SBNO1: variants seen among roughly 807,000 people sequenced by gnomAD.
The protein encoded by SBNO1 is protein strawberry notch homolog 1.
SBNO1 carries 23 observed loss-of-function variants against 173.6 expected under a neutral mutation model. The observed-to-expected ratio is 0.13, with a 90% CI of 0.10 to 0.19. The LOEUF (loss-of-function observed/expected upper bound fraction) is 0.19. Ranked by LOEUF, SBNO1 falls within the 10% of genes least tolerant of loss-of-function variation. The probability of loss-of-function intolerance (pLI) is 1.00; values close to 1 mark genes in which losing one functional copy is unlikely to be tolerated. For missense variants in SBNO1, 1,238 were observed against 1,671.2 expected (o/e 0.74, Z 4.52); for synonymous variants, 632 against 571.5 (o/e 1.11, Z -1.51).
In SBNO1 at chr12:123,328,822, G is replaced by T; in HGVS notation, c.1208C>A (p.Ser403Ter). 6.2e-7 allele frequency: 1 copy of T among 1,609,214 alleles called. No homozygotes were observed. The highest frequency in any genetic ancestry group is 8.5e-7 in the Non-Finnish European group (1 of 1,176,722). ...GCCAGACTGGCTTTCACCAATAAGTGAAGAGTAAGTAGCAAAAATAACACC... is the reference window on the plus strand; with the variant it reads ...GCCAGACTGGCTTTCACCAATAAGTTAAGAGTAAGTAGCAAAAATAACACC... Reference protein sequence around the residue: ...KKGVIFATYSSLIGESQSGGK... With the variant: ...KKGVIFATYS Residue 403 changes from serine to a stop codon, truncating the protein, a stop_gained, in exon 10 of 32, where the codon TCA (serine) becomes TAA (stop). Coordinates refer to ENST00000602398, the MANE Select transcript of SBNO1 (RefSeq NM_001167856.3). LOFTEE classifies it high-confidence loss of function.
chr12:123,336,368 A>C, intron 6 of SBNO1, 27 bp downstream of exon 6: 1 of 1,346,106 alleles, frequency 7.4e-7, no homozygotes. Flanking sequence ...CTTTGATGTA[A>C]ATATCTGACA....
Position 123,292,243 on chromosome 12 carries a change from C to T in SBNO1, c.*3665G>A, listed in dbSNP as rs984150790. Reference sequence around the variant, plus strand: ...AATCAAACGTTCATTAATAGGATCCCAGCCTAACAGCAACGCTTATGTAGC... The same window carrying T: ...AATCAAACGTTCATTAATAGGATCCTAGCCTAACAGCAACGCTTATGTAGC... On this transcript the variant is annotated 3_prime_UTR_variant, in exon 32 of 32. Transcript: ENST00000602398. 3.3e-5 allele frequency: 5 copies of T among 152,146 alleles called. No individual in the cohort carries two copies. Among genetic ancestry groups the T allele is most frequent in the African/African-American group, 1.2e-4 (5 of 41,418 alleles). 9.4% of individuals were successfully genotyped at this position (152,146 alleles called of 1,614,324 possible).
At chr12:123,325,639 G>A (rs2138984907) in intron 14 of SBNO1, 40 bp from the exon 15 acceptor site, 2 of 1,276,742 alleles carry the variant, frequency 1.6e-6, no homozygotes, top group East Asian at 2.3e-5. Context: ...GAATAATAAT[G>A]TTTGTGGCTT....
At chr12:123,297,415 A>AAAAAAAAAAAAAAAAAAAAAAAAAAC (rs2048643869) in intron 31 of SBNO1, among the ~76,000 whole-genome samples, 1 of 144,512 alleles carries the variant, frequency 6.9e-6, no homozygotes, top group Non-Finnish European at 1.5e-5. Flanking sequence ...AAAAAAAAAA[A>AAAAAAAAAAAAAAAAAAAAAAAAAAC]AAAAAAATTC....
rs1423366535 is a variant in SBNO1, at chr12:123,289,326, AT to A, written c.*6581del. 1.3e-5 allele frequency: 2 copies of A among 152,380 alleles called. No individual in the cohort carries two copies. Among genetic ancestry groups the A allele is most frequent in the Non-Finnish European group, 2.9e-5 (2 of 68,042 alleles). The allele number at this position is 152,380 out of a possible 1,614,324, so 9.4% of individuals were successfully genotyped here. A position where few individuals can be genotyped will look rare whatever the true frequency, so the allele number is the denominator to read the frequency against. ...ATATCAAAAATGATTGGGATAATCA[AT>A]TCCGGACGCTTGGTACCGTGCTCCC... On this transcript the variant is annotated 3_prime_UTR_variant, in exon 32 of 32. Coordinates refer to ENST00000602398, the MANE Select transcript of SBNO1 (RefSeq NM_001167856.3).
chr12:123,315,517 T>G, intron 22 of SBNO1, 31 bp downstream of exon 22: 1 of 1,582,132 alleles, frequency 6.3e-7, no homozygotes, highest in Non-Finnish European at 8.7e-7. Flanking sequence ...AGATCATCAT[T>G]TACACACAGC....
chr12:123,331,197 C>T (rs1206759137), intron 8 of SBNO1, 45 bp downstream of exon 8: 2 of 1,598,382 alleles, frequency 1.3e-6, no homozygotes, highest in Non-Finnish European at 1.7e-6. Context: ...CTCCTAACCT[C>T]GTGATCCGCT....
intron 17 of SBNO1, 93 bp from the exon 18 acceptor site, chr12:123,320,959 G>C (rs1423639994): frequency 9.1e-7 from 1 of 1,100,086 alleles, no homozygotes; most frequent in African/African-American, 1.6e-5. Context: ...ATTTTTTTGA[G>C]ACAATGTTTC....
intron 9 of SBNO1, among the ~76,000 whole-genome samples, chr12:123,329,571 CCTTT>C (rs547423824): frequency 4.6e-4 from 70 of 151,898 alleles, no homozygotes; most frequent in African/African-American, 1.5e-3. Flanking sequence ...TGTTAATGTG[CCTTT>C]CTAATACTAC....
intron 1 of SBNO1, 112 bp from the exon 2 acceptor site, chr12:123,350,553 T>G: frequency 5.9e-6 from 5 of 844,444 alleles, no homozygotes; most frequent in Non-Finnish European, 9.6e-6. Context: ...CATTCAGTAT[T>G]AATGAAGAAC....
Position 123,298,020 on chromosome 12 carries a change from G to C in SBNO1, c.3997C>G (p.Gln1333Glu). ...ASVSGTNVKMQIVRLRTEDGQ... is the reference protein window; with the variant it reads ...ASVSGTNVKMEIVRLRTEDGQ... ...TCTTCCGTTCTTAGCCGCACGATCTGCATCTTCACGTTTGTGCCACTGACA... is the reference window on the plus strand; with the variant it reads ...TCTTCCGTTCTTAGCCGCACGATCTCCATCTTCACGTTTGTGCCACTGACA... The change falls in exon 31 of 32, where the codon CAG becomes GAG. Residue 1333 changes from glutamine (Q) to glutamate (E), a missense_variant. Gln to Glu is a conservative substitution (Grantham distance 29). Coordinates refer to ENST00000602398, the MANE Select transcript of SBNO1 (RefSeq NM_001167856.3). 1 of 1,614,056 alleles carries C rather than the reference G, an allele frequency of 6.2e-7. No homozygotes were observed. The highest frequency in any genetic ancestry group is 8.5e-7 in the Non-Finnish European group (1 of 1,179,986).
rs182435342 is a variant in SBNO1 at position 123,294,832 on chromosome 12, G to A, written c.*1076C>T. 1.3e-5 allele frequency: 2 copies of A among 152,284 alleles called. No homozygotes were observed. The highest frequency in any genetic ancestry group is 3.8e-4 in the East Asian group (2 of 5,210). 9.4% of individuals were successfully genotyped at this position (152,284 alleles called of 1,614,324 possible). ...TTTAACAGCTTGAGATAAACTCTAC[G>A]TCTTACAACACATTAAACAATATTC... is the stretch of plus-strand genomic sequence containing the variant. On this transcript the variant is annotated 3_prime_UTR_variant, in exon 32 of 32. Coordinates refer to ENST00000602398, the MANE Select transcript of SBNO1 (RefSeq NM_001167856.3).
At chr12:123,323,492 C>A (rs1870247106) in intron 16 of SBNO1, among the ~76,000 whole-genome samples, 188 bp downstream of exon 16, 1 of 151,904 alleles carries the variant, frequency 6.6e-6, no homozygotes, top group Non-Finnish European at 1.5e-5. Context: ...GTAGCTGGGA[C>A]TATAGGTGCC....
intron 28 of SBNO1, among the ~76,000 whole-genome samples, chr12:123,307,020 T>TAAAAAAAAAAAAAAAAAAAAAAAA (rs34105162): frequency 4.7e-5 from 3 of 64,432 alleles, no homozygotes; most frequent in Admixed American, 2.6e-4. Flanking sequence ...TCAACTGCAT[T>TAAAAAAAAAAAAAAAAAAAAAAAA]AAAAAAAAAA....
chr12:123,362,533 AG>A (rs1243351045), intron 1 of SBNO1, among the ~76,000 whole-genome samples: 2 of 149,138 alleles, frequency 1.3e-5, no homozygotes, highest in African/African-American at 2.5e-5. Flanking sequence ...CGGGAGACAG[AG>A]GTGAGTGGAT....
chr12:123,363,495 T>G (rs968541215), intron 1 of SBNO1, among the ~76,000 whole-genome samples: 6 of 152,178 alleles, frequency 3.9e-5, no homozygotes, highest in African/African-American at 1.4e-4. Flanking sequence ...ATTCCATCCC[T>G]AATTCTGGCT....
At chr12:123,340,797 C>A (rs1024377810) in intron 5 of SBNO1, among the ~76,000 whole-genome samples, 191 bp downstream of exon 5, 4 of 152,042 alleles carry the variant, frequency 2.6e-5, no homozygotes, top group African/African-American at 9.7e-5. Flanking sequence ...CATCAATCTG[C>A]AAGTTTTAAC....
chr12:123,335,256 C>T (rs1871700441), intron 6 of SBNO1, among the ~76,000 whole-genome samples: 2 of 152,200 alleles, frequency 1.3e-5, no homozygotes, highest in East Asian at 1.9e-4. Flanking sequence ...CTGGCCAACA[C>T]GGTGAAACCC....
chr12:123,312,369 C>G (rs1868688442), intron 24 of SBNO1, among the ~76,000 whole-genome samples: 2 of 152,136 alleles, frequency 1.3e-5, no homozygotes, highest in African/African-American at 4.8e-5. Context: ...GAACTGTTAA[C>G]AACACATATC....
Sources: gnomAD v4.1 joint callset for allele counts (sites outside exome capture counted in the v4.1 genomes callset) on GRCh38, gnomAD v4.1.1 for gene constraint, MANE v1.5 for transcripts, NCBI Gene and HGNC (gene_info 2026-07-23, HGNC 2026-07-21) for gene names.